The following CACNA1A variants were observed in gnomAD, a reference collection of about 807,000 sequenced individuals.
CACNA1A encodes the protein calcium voltage-gated channel subunit alpha1 A, also known as voltage-dependent P/Q-type calcium channel subunit alpha-1A.
A neutral mutation model predicts 262.4 loss-of-function variants in CACNA1A; 57 were observed. The observed-to-expected ratio is 0.22, with a 90% CI of 0.18 to 0.27. The LOEUF (loss-of-function observed/expected upper bound fraction) is 0.27, where lower values mean the gene tolerates loss of function less well. Among genes scored for constraint, CACNA1A ranks in the 10% least tolerant of loss-of-function variants. The pLI is 1.00. For missense variants in CACNA1A, 2,526 were observed against 3,562.8 expected (o/e 0.71, Z 7.41); for synonymous variants, 1,431 against 1,419.3 (o/e 1.01, Z -0.18).
chr19:13,457,890 A>G (rs1442507566), intron 1 of CACNA1A, among the ~76,000 whole-genome samples: 1 of 151,984 alleles, frequency 6.6e-6, no homozygotes. Context: ...GTACTGATAC[A>G]TGATAGAACA....
At chr19:13,228,929 G>A (rs1008318052) in intron 36 of CACNA1A, 5 of 500,784 alleles carry the variant, frequency 1.0e-5, no homozygotes, top group African/African-American at 8.4e-5. Context: ...GACAAGTGAA[G>A]GTCCCCAGTA....
At chr19:13,224,505 A>C (rs866964830) in intron 38 of CACNA1A, among the ~76,000 whole-genome samples, 162 bp downstream of exon 38, 14 of 138,286 alleles carry the variant, frequency 1.0e-4, no homozygotes, top group South Asian at 4.6e-4. Context: ...AAAAAAAAAA[A>C]CACCAAAACC....
chr19:13,254,022 AGCCACCTTGCCCG>A (rs2144730551), intron 29 of CACNA1A, among the ~76,000 whole-genome samples: 1 of 152,282 alleles, frequency 6.6e-6, no homozygotes, highest in African/African-American at 2.4e-5. Flanking sequence ...TACAGGTGTG[AGCCACCTTGCCCG>A]GCCACTATTG....
intron 3 of CACNA1A, among the ~76,000 whole-genome samples, chr19:13,436,469 G>A (rs1179159415): frequency 6.6e-6 from 1 of 152,092 alleles, no homozygotes; most frequent in Non-Finnish European, 1.5e-5. Context: ...CCTAACAAAA[G>A]CCATGAAGCC....
chr19:13,482,848 TTGTGTGTGTGTGTGTGTGTGTG>T (rs34754803), intron 1 of CACNA1A, among the ~76,000 whole-genome samples: 8 of 133,924 alleles, frequency 6.0e-5, no homozygotes, highest in African/African-American at 1.1e-4. Flanking sequence ...TTCTCTCAAC[TTGTGTGTGTGTGTGTGTGTGTG>T]TGTGTGTGTG....
chr19:13,478,866 C>T (rs1326144752), intron 1 of CACNA1A, among the ~76,000 whole-genome samples: 1 of 152,194 alleles, frequency 6.6e-6, no homozygotes, highest in African/African-American at 2.4e-5. Flanking sequence ...CTAGGCTGTT[C>T]TAGTCCACAT....
At chr19:13,489,432 G>T (rs1377450932) in intron 1 of CACNA1A, among the ~76,000 whole-genome samples, 1 of 152,080 alleles carries the variant, frequency 6.6e-6, no homozygotes, top group African/African-American at 2.4e-5. Context: ...GGGACTACAG[G>T]CATGTGCCAA....
intron 31 of CACNA1A, among the ~76,000 whole-genome samples, chr19:13,237,512 G>T (rs1465071909): frequency 6.6e-6 from 1 of 152,168 alleles, no homozygotes; most frequent in Non-Finnish European, 1.5e-5. Flanking sequence ...TCTGTGTCTT[G>T]TGCTGGCTTT....
chr19:13,353,929 T>C (rs772334628), intron 6 of CACNA1A, among the ~76,000 whole-genome samples: 1 of 152,222 alleles, frequency 6.6e-6, no homozygotes, highest in Non-Finnish European at 1.5e-5. Context: ...CCTATTGGGC[T>C]TCCCATAGTA....
intron 30 of CACNA1A, among the ~76,000 whole-genome samples, chr19:13,246,034 TA>T (rs1208740163): frequency 6.6e-6 from 1 of 152,186 alleles, no homozygotes. Context: ...CACAGAGATG[TA>T]AAGCCAGGAT....
rs7246682 is a variant in CACNA1A, at chr19:13,212,343, C to T, written c.6189+41G>A. 2,794 of 1,611,508 alleles carry T rather than the reference C, an allele frequency of 1.7e-3. 38 individuals are homozygous for T. In the African/African-American group the frequency reaches 0.029, roughly 17 times the overall value. ...CCAGATCCCTTCCACCTGAACCACC[C>T]GGGCCCTGGGAGCCATTGGGGAGTT... On this transcript the variant is annotated intron_variant, in intron 42 of 46. Transcript: ENST00000360228. This position sits in a 1 kb window ranked among gnomAD's most constrained non-coding sequence, Gnocchi z 5.6.
chr19:13,396,440 G>A (rs2059812807), intron 3 of CACNA1A, among the ~76,000 whole-genome samples: 1 of 152,118 alleles, frequency 6.6e-6, no homozygotes, highest in African/African-American at 2.4e-5. Flanking sequence ...CATGGGCTCA[G>A]GTTACACCAC....
At chr19:13,255,753 T>TTCTCTCCCTCCCTCCTTCCC in intron 28 of CACNA1A, among the ~76,000 whole-genome samples, 1 of 55,988 alleles carries the variant, frequency 1.8e-5, no homozygotes, top group East Asian at 7.3e-4. Flanking sequence ...CCCTCCCTCC[T>TTCTCTCCCTCCCTCCTTCCC]TCCCTCCCTC....
At chr19:13,277,021 C>T (rs1376113965) in intron 23 of CACNA1A, 48 bp downstream of exon 23, 12 of 1,370,382 alleles carry the variant, frequency 8.8e-6, no homozygotes, top group South Asian at 2.3e-5. Flanking sequence ...CCTGCACTTG[C>T]TTAAAAAAAA....
chr19:13,269,181 G>A (rs1300162474), intron 24 of CACNA1A, among the ~76,000 whole-genome samples: 1 of 152,146 alleles, frequency 6.6e-6, no homozygotes, highest in East Asian at 1.9e-4. Context: ...ATGATTGAGG[G>A]AGTTTTCAAT....
intron 6 of CACNA1A, among the ~76,000 whole-genome samples, chr19:13,353,885 C>A (rs1600405711): frequency 1.3e-5 from 2 of 152,296 alleles, no homozygotes; most frequent in South Asian, 4.1e-4. Flanking sequence ...ACTAAGGAAC[C>A]ACCCATCACT....
intron 24 of CACNA1A, among the ~76,000 whole-genome samples, chr19:13,264,099 T>C (rs4926244): frequency 0.21 from 32,488 of 151,980 alleles, 3,811 homozygotes; most frequent in African/African-American, 0.3. Flanking sequence ...CCAAGGTCTG[T>C]TGGAACTGAG....
chr19:13,454,999 G>C (rs2060981349), intron 2 of CACNA1A, 108 bp downstream of exon 2: 5 of 627,288 alleles, frequency 8.0e-6, no homozygotes, highest in Middle Eastern at 7.9e-4. Context: ...CCATGATCTG[G>C]CTCTGGGCTC....
At chr19:13,267,431 C>T (rs982600809) in intron 24 of CACNA1A, among the ~76,000 whole-genome samples, 5 of 152,158 alleles carry the variant, frequency 3.3e-5, no homozygotes, top group Non-Finnish European at 5.9e-5. Context: ...CAAGAAAGCA[C>T]TAAGAAAGCC....
Sources: allele counts gnomAD v4.1 joint callset (sites outside exome capture counted in the v4.1 genomes callset), GRCh38; gene constraint gnomAD v4.1.1; non-coding constraint Gnocchi (gnomAD v3.1); transcripts MANE v1.5; gene names NCBI Gene and HGNC (gene_info 2026-07-23, HGNC 2026-07-21).